Variants in SPATA9 observed in about 807,000 individuals in gnomAD.
SPATA9 encodes spermatogenesis associated 9.
A neutral mutation model predicts 25.5 loss-of-function variants in SPATA9; 27 were observed. The ratio of observed to expected loss-of-function variants is 1.06; its 90% CI spans 0.78 to 1.46. SPATA9 has a LOEUF of 1.46. Ranked by LOEUF, SPATA9 falls within the 40% of genes most tolerant of loss-of-function variation. SPATA9 has a pLI of 0.00. For synonymous variants in SPATA9, 102 were observed against 105.7 expected, an observed-to-expected ratio of 0.97 and a Z score of 0.21; for missense variants, 282 against 297.5, an observed-to-expected ratio of 0.95 and a Z score of 0.38.
chr5:95,667,502 CT>C (rs1173377650), intron 3 of SPATA9, among the ~76,000 whole-genome samples: 1 of 152,166 alleles, frequency 6.6e-6, no homozygotes, highest in Non-Finnish European at 1.5e-5. Context: ...AATGAAGCAG[CT>C]GCTGCTTTTT....
intron 8 of SPATA9, chr5:95,653,299 A>G: frequency 1.3e-6 from 2 of 1,522,790 alleles, no homozygotes; most frequent in Non-Finnish European, 8.8e-7. Context: ...CCAACTGTGT[A>G]CTCCAGGCAA....
the SPATA9 span, among the ~76,000 whole-genome samples, chr5:95,730,538 T>C: frequency 5.3e-5 from 8 of 152,340 alleles, no homozygotes; most frequent in Admixed American, 5.2e-4. Flanking sequence ...TTTACGTGAT[T>C]ATGTTTTCAG....
chr5:95,689,605 A>G (rs1313008847), intron 1 of SPATA9, among the ~76,000 whole-genome samples: 1 of 152,168 alleles, frequency 6.6e-6, no homozygotes, highest in Non-Finnish European at 1.5e-5. Context: ...GTTAGTATTA[A>G]TATTGGTTTT....
In SPATA9 at chr5:95,678,360, G is replaced by A. The variant is rs1261354540; in HGVS notation, c.151-2721C>T. ...CTATTGTCCTTCATCCTGGGCGACAGAGCGAGACTCCATCTCAAAAAAATA... is the reference window on the plus strand; with the variant it reads ...CTATTGTCCTTCATCCTGGGCGACAAAGCGAGACTCCATCTCAAAAAAATA... On this transcript the variant is annotated intron_variant, in intron 2 of 4. Coordinates refer to ENST00000274432, the MANE Select transcript of SPATA9 (RefSeq NM_031952.4). Among the ~76,000 whole-genome samples, 4 of 152,184 alleles carry A rather than the reference G, an allele frequency of 2.6e-5. No homozygotes were observed. The East Asian group carries it at 7.7e-4, about 29-fold the overall frequency.
downstream of SPATA9, chr5:95,652,192 T>C: frequency 6.8e-7 from 1 of 1,475,152 alleles, no homozygotes; most frequent in Non-Finnish European, 9.1e-7. Context: ...AAGCTGTGAA[T>C]GAATTTCATT....
At chr5:95,691,925 C>T (rs1486467466) in intron 1 of SPATA9, among the ~76,000 whole-genome samples, 2 of 152,094 alleles carry the variant, frequency 1.3e-5, no homozygotes. Context: ...TTATCAACTT[C>T]CATTTCATAA....
At chr5:95,655,119 G>A (rs1750662681), downstream of SPATA9, among the ~76,000 whole-genome samples, 1 of 152,116 alleles carries the variant, frequency 6.6e-6, no homozygotes, top group Non-Finnish European at 1.5e-5. Context: ...CACTTGATGA[G>A]TGTACACACC....
chr5:95,725,710 C>T, the SPATA9 span, among the ~76,000 whole-genome samples: 1 of 152,142 alleles, frequency 6.6e-6, no homozygotes, highest in Non-Finnish European at 1.5e-5. Flanking sequence ...GCTGTGTATT[C>T]TGCCTCCAAC....
the SPATA9 span, among the ~76,000 whole-genome samples, chr5:95,725,149 C>T: frequency 6.6e-6 from 1 of 152,142 alleles, no homozygotes; most frequent in Non-Finnish European, 1.5e-5. Context: ...GAATAGCCCA[C>T]GAGTGTATCT....
intron 3 of SPATA9, among the ~76,000 whole-genome samples, chr5:95,665,312 C>T (rs1267500991): frequency 2.0e-5 from 3 of 152,154 alleles, no homozygotes; most frequent in African/African-American, 7.2e-5. Flanking sequence ...TTTATTCTGC[C>T]TATCTAATTG....
chr5:95,677,617 C>T (rs534607670), intron 2 of SPATA9, among the ~76,000 whole-genome samples: 3 of 152,176 alleles, frequency 2.0e-5, no homozygotes, highest in South Asian at 4.1e-4. Context: ...TTTTTTCACA[C>T]ATTAACAATA....
chr5:95,692,919 T>C (rs1163994828), intron 1 of SPATA9, among the ~76,000 whole-genome samples: 2 of 152,216 alleles, frequency 1.3e-5, no homozygotes, highest in African/African-American at 4.8e-5. Context: ...AGTCAAATAA[T>C]GCAAGAATAC....
At position 95,658,744 on chromosome 5, in the gene SPATA9, G is replaced by A. The variant is rs1409281186; in HGVS notation, c.644C>T (p.Ser215Leu). ...TGAAATGTCTGGCTTCTCCGGCAAT[G>A]ACCTATAAGGTTTTGCTTTGATTTC... ...EGEIKAKPYR[S>L]LPEKPDISDY... The change falls in exon 5 of 5, where the codon TCA becomes TTA. Residue 215 changes from serine (S) to leucine (L), a missense_variant. By Grantham distance (145) the Ser-to-Leu change is moderately radical. Coordinates refer to ENST00000274432, the MANE Select transcript of SPATA9 (RefSeq NM_031952.4). 4 of 1,613,828 alleles carry A rather than the reference G, an allele frequency of 2.5e-6. No individual in the cohort carries two copies. The Admixed American group carries it at 5.0e-5, about 20-fold the overall frequency.
the SPATA9 span, among the ~76,000 whole-genome samples, chr5:95,727,004 G>A: frequency 6.6e-6 from 1 of 151,512 alleles, no homozygotes; most frequent in Non-Finnish European, 1.5e-5. Flanking sequence ...GTGATTAGAA[G>A]TTTATTCTGG....
the SPATA9 span, among the ~76,000 whole-genome samples, chr5:95,710,734 C>A: frequency 1.3e-5 from 2 of 152,198 alleles, no homozygotes; most frequent in African/African-American, 4.8e-5. Context: ...AATTAACGGG[C>A]CATTTCATTC....
intron 1 of SPATA9, among the ~76,000 whole-genome samples, chr5:95,690,707 A>C (rs986218276): frequency 1.3e-5 from 2 of 152,220 alleles, no homozygotes; most frequent in African/African-American, 4.8e-5. Context: ...CCAGCCAAAA[A>C]ATTCCAGTAT....
downstream of SPATA9, chr5:95,655,938 GA>G: frequency 2.0e-6 from 2 of 1,009,300 alleles, no homozygotes; most frequent in Middle Eastern, 4.3e-4. Flanking sequence ...AGGAAAAAAA[GA>G]AAAGCTAACC....
intron 1 of SPATA9, among the ~76,000 whole-genome samples, chr5:95,697,049 T>C (rs1754040416): frequency 6.6e-6 from 1 of 152,218 alleles, no homozygotes; most frequent in African/African-American, 2.4e-5. Flanking sequence ...TCTCAATATC[T>C]TTGCATAGCA....
In SPATA9 at chr5:95,658,566, A is replaced by G. The variant is rs889394774; in HGVS notation, c.*57T>C. Reference sequence around the variant, plus strand: ...TGTAAACTAGACTCTGAGTTTTGTCAGATGAAATGTGCCATTAAATAGATA... The same window carrying G: ...TGTAAACTAGACTCTGAGTTTTGTCGGATGAAATGTGCCATTAAATAGATA... On this transcript the variant is annotated 3_prime_UTR_variant, in exon 5 of 5. Coordinates refer to ENST00000274432, the MANE Select transcript of SPATA9 (RefSeq NM_031952.4). The G allele has an allele frequency of 1.3e-6, 2 of 1,526,316 alleles. No individual in the cohort carries two copies. The highest frequency in any genetic ancestry group is 2.8e-5 in the African/African-American group (2 of 70,414). 94.5% of individuals were successfully genotyped at this position (1,526,316 alleles called of 1,614,324 possible). A position where few individuals can be genotyped will look rare whatever the true frequency, so the allele number is the denominator to read the frequency against.
Sources: allele counts gnomAD v4.1 joint callset (sites outside exome capture counted in the v4.1 genomes callset), GRCh38; gene constraint gnomAD v4.1.1; transcripts MANE v1.5; gene names NCBI Gene and HGNC (gene_info 2026-07-23, HGNC 2026-07-21).